Variants in HSD17B14 observed in about 807,000 individuals in gnomAD.
HSD17B14 encodes the protein L-fucose dehydrogenase.
Under a neutral mutation model 32.2 loss-of-function variants are expected in HSD17B14, and 32 were observed. The ratio of observed to expected loss-of-function variants is 0.99; its 90% CI spans 0.75 to 1.33. HSD17B14 has a LOEUF of 1.33. Among genes scored for constraint, HSD17B14 ranks in the 40% most tolerant of loss-of-function variants. The pLI is 0.00. For missense variants in HSD17B14, 370 were observed against 366.5 expected (o/e 1.01, Z -0.08); for synonymous variants, 140 against 155.4 (o/e 0.90, Z 0.74).
chr19:48,828,657 C>A (rs555656585), intron 5 of HSD17B14, among the ~76,000 whole-genome samples: 1 of 151,692 alleles, frequency 6.6e-6, no homozygotes, highest in African/African-American at 2.4e-5. Context: ...GAGCCAGGTG[C>A]GGTGGCTCAC....
chr19:48,819,187 C>T (rs920634976), intron 5 of HSD17B14, among the ~76,000 whole-genome samples: 4 of 152,120 alleles, frequency 2.6e-5, no homozygotes, highest in Admixed American at 2.0e-4. Context: ...CGGGGTTTCT[C>T]CATGTTGGCC....
intron 5 of HSD17B14, among the ~76,000 whole-genome samples, chr19:48,825,880 G>A (rs532571581): frequency 1.0e-3 from 159 of 152,098 alleles, no homozygotes; most frequent in Non-Finnish European, 1.4e-3. Context: ...GAGTGCAGTG[G>A]CGCGATCTCG....
At chr19:48,831,646 C>A in intron 5 of HSD17B14, 22 bp downstream of exon 5, 1 of 1,582,602 alleles carries the variant, frequency 6.3e-7, no homozygotes, top group Non-Finnish European at 8.7e-7. Flanking sequence ...TCGGGCCTGG[C>A]GGCAGGGTCG....
At chr19:48,821,905 G>A (rs1371546806) in intron 5 of HSD17B14, among the ~76,000 whole-genome samples, 1 of 149,584 alleles carries the variant, frequency 6.7e-6, no homozygotes, top group East Asian at 2.0e-4. Flanking sequence ...TGATGATGGT[G>A]ATGATGATAA....
chr19:48,815,764 G>A (rs997835337), intron 5 of HSD17B14, among the ~76,000 whole-genome samples: 1 of 152,106 alleles, frequency 6.6e-6, no homozygotes, highest in Non-Finnish European at 1.5e-5. Context: ...TCTCACACCT[G>A]TAATCCCAGC....
chr19:48,815,271 G>A, intron 5 of HSD17B14, 130 bp from the exon 6 acceptor site: 1 of 689,508 alleles, frequency 1.5e-6, no homozygotes, highest in African/African-American at 1.8e-5. Context: ...TGATCTCAGT[G>A]ACTGCTAGAG....
At chr19:48,825,791 G>A (rs1231997833) in intron 5 of HSD17B14, among the ~76,000 whole-genome samples, 1 of 151,974 alleles carries the variant, frequency 6.6e-6, no homozygotes, top group Non-Finnish European at 1.5e-5. Flanking sequence ...TCCCTGCCCC[G>A]CAGGTCCTGT....
At chr19:48,814,268 C>T (rs979814730) in intron 6 of HSD17B14, among the ~76,000 whole-genome samples, 4 of 151,644 alleles carry the variant, frequency 2.6e-5, no homozygotes, top group African/African-American at 9.7e-5. Flanking sequence ...GCCTGTAATC[C>T]CAGCACTTTG....
At chr19:48,821,710 G>A (rs959337620) in intron 5 of HSD17B14, among the ~76,000 whole-genome samples, 4 of 151,090 alleles carry the variant, frequency 2.6e-5, no homozygotes, top group Admixed American at 2.6e-4. Context: ...TCATGATGGT[G>A]ATGGTGAGTA....
rs1435365898 is a variant in HSD17B14, at chr19:48,813,737, G to A, written c.475-7C>T. The A allele has an allele frequency of 6.2e-7, 1 of 1,614,072 alleles. No homozygotes were observed. The highest frequency in any genetic ancestry group is 2.2e-5 in the East Asian group (1 of 44,896). On this transcript the variant is annotated splice_region_variant and splice_polypyrimidine_tract_variant and intron_variant, in intron 6 of 8. Coordinates refer to ENST00000263278, the MANE Select transcript of HSD17B14 (RefSeq NM_016246.3). ...TCATGGCTGTTACTGCCCCCTGCAG[G>A]AAATGGAGCGGGGAAGAAAGTTCAG... is the stretch of plus-strand genomic sequence containing the variant.
intron 5 of HSD17B14, among the ~76,000 whole-genome samples, chr19:48,822,579 G>A (rs1177590381): frequency 6.6e-6 from 1 of 150,772 alleles, no homozygotes; most frequent in Non-Finnish European, 1.5e-5. Flanking sequence ...AGTAATGACA[G>A]TGGTGATGAT....
rs1053880559 is a variant in HSD17B14 at position 48,834,198 on chromosome 19, G to A, written c.210+78C>T. The A allele has an allele frequency of 3.8e-5, 44 of 1,159,630 alleles. No individual in the cohort carries two copies. The African/African-American group carries it at 5.0e-4, about 13-fold the overall frequency. 71.8% of individuals were successfully genotyped at this position (1,159,630 alleles called of 1,614,324 possible). A position where few individuals can be genotyped will look rare whatever the true frequency, so the allele number is the denominator to read the frequency against. On this transcript the variant is annotated intron_variant, in intron 3 of 8. Coordinates refer to ENST00000263278, the MANE Select transcript of HSD17B14 (RefSeq NM_016246.3). ...GAGAGGAAGGAAAAGTAGAGGGAAA[G>A]GCATATGCAAATGGCTGGAGGAGAA... is the stretch of plus-strand genomic sequence containing the variant.
chr19:48,833,624 C>G (rs12459187), intron 3 of HSD17B14, among the ~76,000 whole-genome samples: 1 of 151,750 alleles, frequency 6.6e-6, no homozygotes, highest in African/African-American at 2.4e-5. Context: ...GTTGGGAGTT[C>G]GAGACCAGCC....
intron 3 of HSD17B14, 112 bp downstream of exon 3, chr19:48,834,164 C>T (rs530686660): frequency 3.9e-5 from 32 of 830,102 alleles, no homozygotes; most frequent in Middle Eastern, 2.3e-4. Context: ...ACGAGTCCAG[C>T]GGAGCCAGGA....
intron 5 of HSD17B14, among the ~76,000 whole-genome samples, chr19:48,824,658 C>T (rs558148451): frequency 7.3e-5 from 11 of 150,586 alleles, no homozygotes; most frequent in East Asian, 2.0e-4. Flanking sequence ...CCCAGCTACT[C>T]GGGAGGCTGA....
intron 5 of HSD17B14, among the ~76,000 whole-genome samples, chr19:48,826,945 C>T (rs2122778977): frequency 6.6e-6 from 1 of 152,142 alleles, no homozygotes; most frequent in East Asian, 1.9e-4. Flanking sequence ...AGTTCATGTT[C>T]AACAGCGCCC....
At chr19:48,834,236 C>A in intron 3 of HSD17B14, 40 bp downstream of exon 3, 2 of 1,505,646 alleles carry the variant, frequency 1.3e-6, no homozygotes, top group South Asian at 2.3e-5. Flanking sequence ...AAGAACTGGT[C>A]ATTAGCGGAG....
intron 5 of HSD17B14, among the ~76,000 whole-genome samples, chr19:48,815,664 T>A (rs918578400): frequency 3.9e-5 from 6 of 151,900 alleles, no homozygotes; most frequent in African/African-American, 1.4e-4. Context: ...GCACGAGGCA[T>A]CACACCCAGC....
chr19:48,815,142 C>T lies in HSD17B14; in HGVS notation c.370-1G>A, dbSNP rs2035030921. On this transcript the variant is annotated splice_acceptor_variant, in intron 5 of 8. Coordinates refer to ENST00000263278, the MANE Select transcript of HSD17B14 (RefSeq NM_016246.3). LOFTEE classifies it high-confidence loss of function. ...TCTTCCGCAGGTAGGGGAGGGCGAGCTAGGGAGACAAGAGGCCAAGTAAGC... is the reference window on the plus strand; with the variant it reads ...TCTTCCGCAGGTAGGGGAGGGCGAGTTAGGGAGACAAGAGGCCAAGTAAGC... The T allele has an allele frequency of 6.2e-7, 1 of 1,612,650 alleles. No individual in the cohort carries two copies. Among genetic ancestry groups the T allele is most frequent in the African/African-American group, 1.3e-5 (1 of 74,988 alleles).
Sources: allele counts gnomAD v4.1 joint callset (sites outside exome capture counted in the v4.1 genomes callset), GRCh38; gene constraint gnomAD v4.1.1; transcripts MANE v1.5; gene names NCBI Gene and HGNC (gene_info 2026-07-23, HGNC 2026-07-21).